Variants in FSAF1 observed in about 807,000 individuals in gnomAD.
The protein encoded by FSAF1 is 40S small subunit processome assembly factor 1.
the FSAF1 span, among the ~76,000 whole-genome samples, chr1:231,235,140 A>C: frequency 4.7e-4 from 72 of 152,328 alleles, no homozygotes; most frequent in African/African-American, 1.7e-3. Flanking sequence ...TGGTGGAATA[A>C]ATGGAGGAAT....
chr1:231,231,561 G>A, the FSAF1 span, among the ~76,000 whole-genome samples: 1 of 152,096 alleles, frequency 6.6e-6, no homozygotes, highest in Non-Finnish European at 1.5e-5. Flanking sequence ...GTGCAGTGGC[G>A]CGAGGCACGT....
chr1:231,227,881 G>A, the FSAF1 span, among the ~76,000 whole-genome samples: 7 of 152,096 alleles, frequency 4.6e-5, no homozygotes, highest in African/African-American at 1.7e-4. Flanking sequence ...GAGCCACCGC[G>A]CCCCGCCCTC....
the FSAF1 span, chr1:231,239,300 C>A: frequency 1.2e-6 from 1 of 838,338 alleles, no homozygotes; most frequent in Non-Finnish European, 1.7e-6. Context: ...CACCTAGAAG[C>A]ACACACAAAG....
the FSAF1 span, among the ~76,000 whole-genome samples, chr1:231,235,257 T>C: frequency 2.0e-5 from 3 of 152,090 alleles, no homozygotes; most frequent in African/African-American, 7.2e-5. Context: ...TCCTAGCACT[T>C]TGGGAGGCCA....
chr1:231,225,500 C>A, the FSAF1 span: 1 of 1,613,750 alleles, frequency 6.2e-7, no homozygotes, highest in Non-Finnish European at 8.5e-7. Context: ...TCTTCTTTTT[C>A]TTGAAAATAT....
chr1:231,241,133 A>G, the FSAF1 span: 1 of 1,612,040 alleles, frequency 6.2e-7, no homozygotes, highest in Non-Finnish European at 8.5e-7. Flanking sequence ...CCGAGGAATC[A>G]ACCCTCATTC....
chr1:231,229,241 G>A, the FSAF1 span: 3 of 1,411,328 alleles, frequency 2.1e-6, no homozygotes, highest in South Asian at 3.9e-5. Flanking sequence ...TAGATCATCT[G>A]TTACTATATC....
At chr1:231,235,817 T>C in the FSAF1 span, among the ~76,000 whole-genome samples, 1 of 151,994 alleles carries the variant, frequency 6.6e-6, no homozygotes, top group South Asian at 2.1e-4. Flanking sequence ...CATAAAAAAA[T>C]ATATATAAAT....
chr1:231,226,340 T>C, the FSAF1 span: 2 of 256,772 alleles, frequency 7.8e-6, no homozygotes, highest in South Asian at 5.4e-5. Flanking sequence ...TCTGTACACA[T>C]GGGCTTCCCT....
At chr1:231,224,311 T>G in the FSAF1 span, 1 of 1,612,072 alleles carries the variant, frequency 6.2e-7, no homozygotes, top group South Asian at 1.1e-5. Context: ...TTTATTTTCT[T>G]GATATCAACT....
chr1:231,225,352 G>C, the FSAF1 span: 1 of 901,590 alleles, frequency 1.1e-6, no homozygotes, highest in Non-Finnish European at 1.8e-6. Flanking sequence ...GGATAAATGA[G>C]AGACAGTGAA....
chr1:231,229,635 A>G, the FSAF1 span, among the ~76,000 whole-genome samples: 1 of 152,364 alleles, frequency 6.6e-6, no homozygotes, highest in African/African-American at 2.4e-5. Context: ...AACGTGGCAT[A>G]TACACATGCT....
chr1:231,241,152 T>C, the FSAF1 span: 10 of 1,603,830 alleles, frequency 6.2e-6, no homozygotes, highest in East Asian at 1.6e-4. Context: ...TCTGCCGCGC[T>C]GCACCCCCGC....
the FSAF1 span, among the ~76,000 whole-genome samples, chr1:231,233,200 CT>C: frequency 6.6e-6 from 1 of 152,186 alleles, no homozygotes; most frequent in African/African-American, 2.4e-5. Flanking sequence ...ATGTCTCTGT[CT>C]GGCGATGGCT....
At chr1:231,240,243 T>C in the FSAF1 span, among the ~76,000 whole-genome samples, 1 of 152,200 alleles carries the variant, frequency 6.6e-6, no homozygotes, top group Non-Finnish European at 1.5e-5. The surrounding 1 kb of genome is among the most constrained non-coding windows in gnomAD (Gnocchi z 4.1). Flanking sequence ...TTCTCAACAG[T>C]TTTAACTATT....
chr1:231,225,036 C>G, the FSAF1 span: 1 of 175,376 alleles, frequency 5.7e-6, no homozygotes, highest in African/African-American at 2.4e-5. Context: ...GAAACAGTAA[C>G]TCAAAGACAG....
chr1:231,227,850 A>C, the FSAF1 span, among the ~76,000 whole-genome samples: 1 of 151,960 alleles, frequency 6.6e-6, no homozygotes, highest in Non-Finnish European at 1.5e-5. Flanking sequence ...CGGCCTCCCA[A>C]AGTGCTGGGA....
chr1:231,225,520 G>C, the FSAF1 span: 2 of 1,612,794 alleles, frequency 1.2e-6, no homozygotes, highest in Non-Finnish European at 1.7e-6. Context: ...TCTGTTTCTT[G>C]GGCCTGATTT....
chr1:231,233,897 A>C, the FSAF1 span, among the ~76,000 whole-genome samples: 1 of 152,224 alleles, frequency 6.6e-6, no homozygotes, highest in Non-Finnish European at 1.5e-5. Flanking sequence ...TCTGCCAAAT[A>C]AATCTGCACC....
Sources: gnomAD v4.1 joint callset for allele counts (sites outside exome capture counted in the v4.1 genomes callset) on GRCh38, gnomAD v4.1.1 for gene constraint, Gnocchi (gnomAD v3.1) non-coding constraint, MANE v1.5 for transcripts, NCBI Gene and HGNC (gene_info 2026-07-23, HGNC 2026-07-21) for gene names.